The following COL16A1 variants were observed in gnomAD, a reference collection of about 807,000 sequenced individuals.
COL16A1 encodes collagen alpha-1(XVI) chain.
Under a neutral mutation model 266.3 loss-of-function variants are expected in COL16A1, and 189 were observed. That is an observed-to-expected ratio of 0.71 (90% CI 0.63 to 0.80). COL16A1 has a LOEUF of 0.80. Among genes scored for constraint, COL16A1 ranks in the 30% least tolerant of loss-of-function variants. The pLI, the probability that COL16A1 is intolerant of heterozygous loss-of-function variation, is 0.00. For missense variants in COL16A1, 1,928 were observed against 2,122.4 expected, an observed-to-expected ratio of 0.91 and a Z score of 1.80; for synonymous variants, 740 against 782.3, an observed-to-expected ratio of 0.95 and a Z score of 0.90.
Position 31,699,829 on chromosome 1 carries a change from CG to C in COL16A1, c.249del (p.Val84Ter). The C allele has an allele frequency of 6.2e-7, 1 of 1,610,704 alleles. No individual in the cohort carries two copies. On this transcript the variant is annotated frameshift_variant, in exon 4 of 71. Coordinates refer to ENST00000373672, the MANE Select transcript of COL16A1 (RefSeq NM_001856.4). LOFTEE classifies it high-confidence loss of function. ...TGCATTTACCGCGTGGGCTGGGTCACGGGGGCCGCCCCCAGGCGCAGGATGA... is the reference window on the plus strand; with the variant it reads ...TGCATTTACCGCGTGGGCTGGGTCACGGGGCCGCCCCCAGGCGCAGGATGA... ...GPLILRLGAA[P>X]VTQPTRRVFP...
At chr1:31,689,317 C>T in intron 23 of COL16A1, 1 of 662,868 alleles carries the variant, frequency 1.5e-6, no homozygotes, top group Non-Finnish European at 2.5e-6. Context: ...GAAGTTCCTG[C>T]ATATACCCAA....
chr1:31,688,818 G>T lies in COL16A1; in HGVS notation c.1767+43C>A. 2 of 1,570,876 alleles carry T rather than the reference G, an allele frequency of 1.3e-6. No homozygotes were observed. Among genetic ancestry groups the T allele is most frequent in the Non-Finnish European group, 1.7e-6 (2 of 1,151,162 alleles). On this transcript the variant is annotated intron_variant, in intron 25 of 70. Transcript: ENST00000373672. The surrounding 1 kb of genome is among the most constrained non-coding windows in gnomAD (Gnocchi z 4.9). ...GCCAGGGAGATCAACAGTATGGCAA[G>T]GATGGCTGAACTGGGCTGGGCTGGG... is the stretch of plus-strand genomic sequence containing the variant.
chr1:31,670,714 G>T lies in COL16A1; in HGVS notation c.3151-68C>A. ...ACCCTGGGACAGCCTGGAGGGCACA[G>T]TCTGGGGCTTGGGGGTCATGGGGAG... On this transcript the variant is annotated intron_variant, in intron 48 of 70. Transcript: ENST00000373672. This position sits in a 1 kb window ranked among gnomAD's most constrained non-coding sequence, Gnocchi z 4.5. 1 of 1,332,722 alleles carries T rather than the reference G, an allele frequency of 7.5e-7. No homozygotes were observed. Among genetic ancestry groups the T allele is most frequent in the South Asian group, 1.7e-5 (1 of 57,510 alleles). The allele number at this position is 1,332,722 out of a possible 1,614,324, so 82.6% of individuals were successfully genotyped here. A position where few individuals can be genotyped will look rare whatever the true frequency, so the allele number is the denominator to read the frequency against.
intron 70 of COL16A1, 175 bp downstream of exon 70, chr1:31,653,424 C>T: frequency 2.7e-6 from 2 of 728,610 alleles, no homozygotes; most frequent in Non-Finnish European, 4.3e-6. Context: ...AGTCTTCCGC[C>T]CCCACATCCC....
intron 64 of COL16A1, 63 bp downstream of exon 64, chr1:31,658,425 C>A: frequency 7.3e-7 from 1 of 1,374,604 alleles, no homozygotes; most frequent in East Asian, 2.4e-5. Flanking sequence ...GTGCTGTGCT[C>A]AACAGGCCTT....
Position 31,692,750 on chromosome 1 carries a change from T to C in COL16A1, c.1113+17A>G, listed in dbSNP as rs879130565. Reference sequence around the variant, plus strand: ...CCCCATATTGGCCCTGAAGCAGGCATCACCTCCAAGTCTTACCTGAAGTGG... The same window carrying C: ...CCCCATATTGGCCCTGAAGCAGGCACCACCTCCAAGTCTTACCTGAAGTGG... On this transcript the variant is annotated intron_variant, in intron 14 of 70. Coordinates refer to ENST00000373672, the MANE Select transcript of COL16A1 (RefSeq NM_001856.4). The C allele has an allele frequency of 6.2e-7, 1 of 1,613,510 alleles. No individual in the cohort carries two copies.
chr1:31,691,303 C>G (rs1478752170), intron 19 of COL16A1, 77 bp from the exon 20 acceptor site: 1 of 1,597,222 alleles, frequency 6.3e-7, no homozygotes, highest in Admixed American at 1.7e-5. Flanking sequence ...CTCACCCTCT[C>G]CTCCAGCCAG....
chr1:31,667,297 C>A (rs146150822), intron 52 of COL16A1, among the ~76,000 whole-genome samples: 3,423 of 152,228 alleles, frequency 0.022, 37 homozygotes, highest in Middle Eastern at 0.054. Flanking sequence ...CTCTGGGGAG[C>A]TGGGGTCCAC....
chr1:31,686,592 T>C (rs1243739893), intron 26 of COL16A1, among the ~76,000 whole-genome samples: 1 of 152,274 alleles, frequency 6.6e-6, no homozygotes, highest in Admixed American at 6.5e-5. Context: ...AGCACTGGGC[T>C]GAGGCACTGG....
intron 1 of COL16A1, among the ~76,000 whole-genome samples, chr1:31,703,214 C>G (rs756209740): frequency 6.6e-6 from 1 of 152,188 alleles, no homozygotes; most frequent in Non-Finnish European, 1.5e-5. Flanking sequence ...GACCACTCCT[C>G]CTGTAGGTCT....
chr1:31,655,267 G>T (rs774566309), intron 67 of COL16A1, 47 bp downstream of exon 67: 1 of 1,575,028 alleles, frequency 6.3e-7, no homozygotes. Flanking sequence ...CACCCCACAT[G>T]CCTGCTCTAT....
rs1644095975 is a variant in COL16A1 at position 31,688,422 on chromosome 1, C to T, written c.1803+45G>A. On this transcript the variant is annotated intron_variant, in intron 26 of 70. Transcript: ENST00000373672. This position sits in a 1 kb window ranked among gnomAD's most constrained non-coding sequence, Gnocchi z 4.9. Reference sequence around the variant, plus strand: ...CCCGCACCACTCCTCCCCTGCCTGCCTGCCAAGAAACTCCAGTGTCCCTGA... The same window carrying T: ...CCCGCACCACTCCTCCCCTGCCTGCTTGCCAAGAAACTCCAGTGTCCCTGA... The T allele has an allele frequency of 1.9e-6, 3 of 1,612,472 alleles. No individual in the cohort carries two copies. Among genetic ancestry groups the T allele is most frequent in the African/African-American group, 1.3e-5 (1 of 74,986 alleles).
chr1:31,701,611 T>A (rs1644728110), intron 2 of COL16A1: 1 of 972,332 alleles, frequency 1.0e-6, no homozygotes, highest in Non-Finnish European at 1.2e-6. Flanking sequence ...GGGGTGGGCC[T>A]TTTATTAGAG....
intron 64 of COL16A1, 41 bp downstream of exon 64, chr1:31,658,447 C>T: frequency 6.6e-7 from 1 of 1,524,102 alleles, no homozygotes; most frequent in South Asian, 1.2e-5. Flanking sequence ...AGCCAATTGA[C>T]TCTTTCCCCC....
Position 31,691,197 on chromosome 1 carries a change from C to G in COL16A1, c.1428G>C (p.Lys476Asn), listed in dbSNP as rs989912589. The change falls in exon 20 of 71, where the codon AAG becomes AAC. Residue 476 changes from lysine to asparagine, a missense_variant. Transcript: ENST00000373672. ...PGDPGGPPGP[K>N]GDKGSSGIPG... ...TCCCACCTATGCTCACCTTGTCTCC[C>G]TTGGGGCCTGGTGGGCCACCTGGAT... is the stretch of plus-strand genomic sequence containing the variant. 4 of 1,613,852 alleles carry G rather than the reference C, an allele frequency of 2.5e-6. No homozygotes were observed. In the African/African-American group the frequency reaches 5.3e-5, roughly 22 times the overall value.
intron 39 of COL16A1, 71 bp downstream of exon 39, chr1:31,680,833 CG>C: frequency 6.2e-7 from 1 of 1,610,556 alleles, no homozygotes; most frequent in Non-Finnish European, 8.5e-7. Flanking sequence ...CCCCAGAGTA[CG>C]GGTCACAGGT....
chr1:31,667,345 C>T lies in COL16A1; in HGVS notation c.3357+230G>A, dbSNP rs568444615. ...ATCCCAGGTCCTCCTTTGTAGGAGG[C>T]GGAGGAGTGCTTCTGCGGCTGCCTC... On this transcript the variant is annotated intron_variant, in intron 52 of 70. Transcript: ENST00000373672. 1.2e-4 allele frequency among the ~76,000 whole-genome samples: 18 copies of T among 152,282 alleles called. No individual in the cohort carries two copies. In the South Asian group the frequency reaches 2.3e-3, roughly 19 times the overall value.
intron 47 of COL16A1, 42 bp from the exon 48 acceptor site, chr1:31,671,701 C>A: frequency 5.6e-6 from 9 of 1,612,484 alleles, no homozygotes; most frequent in Non-Finnish European, 7.6e-6. Context: ...AGGCCCAGGC[C>A]CCATAGAGCC....
intron 24 of COL16A1, 36 bp from the exon 25 acceptor site, chr1:31,689,007 A>G: frequency 6.2e-7 from 1 of 1,614,056 alleles, no homozygotes; most frequent in Non-Finnish European, 8.5e-7. Flanking sequence ...AAATGCTTCC[A>G]GGTAGGCAGA....
Sources: allele counts gnomAD v4.1 joint callset (sites outside exome capture counted in the v4.1 genomes callset), GRCh38; gene constraint gnomAD v4.1.1; non-coding constraint Gnocchi (gnomAD v3.1); transcripts MANE v1.5; gene names NCBI Gene and HGNC (gene_info 2026-07-23, HGNC 2026-07-21).